CSMD3: variants seen among roughly 807,000 people sequenced by gnomAD.
CSMD3 encodes CUB and Sushi multiple domains 3.
CSMD3 carries 177 observed loss-of-function variants against 435.2 expected under a neutral mutation model. That is an observed-to-expected ratio of 0.41 (90% CI 0.36 to 0.46). The LOEUF (loss-of-function observed/expected upper bound fraction) is 0.46. Ranked by LOEUF, CSMD3 falls within the 20% of genes least tolerant of loss-of-function variation. CSMD3 has a pLI of 0.34. For missense variants in CSMD3, 4,265 were observed against 4,504.6 expected (o/e 0.95, Z 1.52); for synonymous variants, 1,656 against 1,520.5 (o/e 1.09, Z -2.07).
At chr8:112,272,570 A>C (rs1817625353) in intron 59 of CSMD3, among the ~76,000 whole-genome samples, 1 of 152,142 alleles carries the variant, frequency 6.6e-6, no homozygotes, top group Admixed American at 6.5e-5. Context: ...TGAAATATAG[A>C]TGAAATTATT....
chr8:112,753,838 T>A (rs564436425), intron 13 of CSMD3, among the ~76,000 whole-genome samples: 241 of 152,310 alleles, frequency 1.6e-3, no homozygotes, highest in Non-Finnish European at 2.8e-3. Flanking sequence ...TAACTTCCTA[T>A]CCCAACTTTG....
Position 112,406,555 on chromosome 8 carries a change from G to C in CSMD3, c.5778C>G (p.Ala1926=), listed in dbSNP as rs1831877547. The C allele has an allele frequency of 6.2e-7, 1 of 1,610,598 alleles. No homozygotes were observed. Among genetic ancestry groups the C allele is most frequent in the African/African-American group, 1.3e-5 (1 of 74,724 alleles). ...IRCETVPNSL[A]QWNDSLPTCI... is the part of the protein sequence containing the mutation. ...AAGTAGGTAAGGAATCATTCCACTG[G>C]GCCAAAGAATTGGGCACTGTTTCAC... Residue 1926 remains alanine, a synonymous_variant, in exon 35 of 71, where the codon GCC becomes GCG. Transcript: ENST00000297405.
At position 112,281,177 on chromosome 8, in the gene CSMD3, T is replaced by C; in HGVS notation, c.9505A>G (p.Thr3169Ala). 6.2e-7 allele frequency: 1 copy of C among 1,608,072 alleles called. No homozygotes were observed. Among genetic ancestry groups the C allele is most frequent in the African/African-American group, 1.3e-5 (1 of 74,900 alleles). The change falls in exon 59 of 71, where the codon ACA (threonine) becomes GCA (alanine). Residue 3169 changes from threonine (T) to alanine (A), a missense_variant. By Grantham distance (58) the Thr-to-Ala change is moderately conservative (BLOSUM62 0). Transcript: ENST00000297405. ...TAAATATTGAGAATATACTTACTTG[T>C]ACAGTTAGGTAAAGTTCCAGACCAT... is the stretch of plus-strand genomic sequence containing the variant. ...GTWSGTLPNC[T>A]IISCGDPGIP...
chr8:113,156,768 A>ATAAATAAT (rs1455766901), intron 4 of CSMD3, among the ~76,000 whole-genome samples: 3 of 149,298 alleles, frequency 2.0e-5, no homozygotes, highest in East Asian at 2.0e-4. Flanking sequence ...AAATAAATAA[A>ATAAATAAT]TAAATAAATA....
chr8:113,138,722 G>A (rs2091476263), intron 4 of CSMD3, among the ~76,000 whole-genome samples: 1 of 151,086 alleles, frequency 6.6e-6, no homozygotes, highest in Non-Finnish European at 1.5e-5. Flanking sequence ...AGCTATATTT[G>A]AATTTCAGCT....
Position 112,272,750 on chromosome 8 carries a change from C to G in CSMD3, c.9509-7160G>C, listed in dbSNP as rs118155390. Among the ~76,000 whole-genome samples, 317 of 152,238 alleles carry G rather than the reference C, an allele frequency of 2.1e-3. 1 individual carries two copies. The highest frequency in any genetic ancestry group is 2.2e-3 in the Non-Finnish European group (152 of 68,010). On this transcript the variant is annotated intron_variant, in intron 59 of 70. Coordinates refer to ENST00000297405, the MANE Select transcript of CSMD3 (RefSeq NM_198123.2). ...AATGAATGAGAAGGAATCTGAAGCACTGATTCTAATTTAATTTGATTACCA... is the reference window on the plus strand; with the variant it reads ...AATGAATGAGAAGGAATCTGAAGCAGTGATTCTAATTTAATTTGATTACCA...
chr8:113,315,115 T>A (rs2093899496), intron 1 of CSMD3, among the ~76,000 whole-genome samples: 1 of 152,216 alleles, frequency 6.6e-6, no homozygotes, highest in African/African-American at 2.4e-5. Context: ...ACGGTATCTT[T>A]CTTCAAAGAG....
At chr8:113,222,248 A>G (rs1316530293) in intron 3 of CSMD3, among the ~76,000 whole-genome samples, 1 of 151,186 alleles carries the variant, frequency 6.6e-6, no homozygotes, top group Admixed American at 6.6e-5. Flanking sequence ...AAATTTAACC[A>G]AAAATTTTCA....
Position 113,037,062 on chromosome 8 carries a change from A to C in CSMD3, c.918-17883T>G, listed in dbSNP as rs138205509. ...AGGAATACCCATGCACTATGCAATGAAGTAGAAATTTTTCATGGTATGTGG... is the reference window on the plus strand; with the variant it reads ...AGGAATACCCATGCACTATGCAATGCAGTAGAAATTTTTCATGGTATGTGG... On this transcript the variant is annotated intron_variant, in intron 5 of 70. Transcript: ENST00000297405. Among the ~76,000 whole-genome samples, 1,002 of 152,254 alleles carry C rather than the reference A, an allele frequency of 6.6e-3. 11 individuals carry two copies. Among genetic ancestry groups the C allele is most frequent in the African/African-American group, 0.023 (961 of 41,578 alleles).
chr8:113,005,825 C>T (rs888346550), intron 6 of CSMD3, among the ~76,000 whole-genome samples: 15 of 152,064 alleles, frequency 9.9e-5, no homozygotes, highest in South Asian at 6.2e-4. Flanking sequence ...CTGGTTCATC[C>T]TAGCCTGCAG....
intron 10 of CSMD3, among the ~76,000 whole-genome samples, chr8:112,898,368 A>T (rs1038856446): frequency 6.6e-6 from 1 of 151,262 alleles, no homozygotes; most frequent in Non-Finnish European, 1.5e-5. Context: ...ATCACATAAT[A>T]TGCATTATGG....
intron 3 of CSMD3, among the ~76,000 whole-genome samples, chr8:113,174,737 A>G (rs1031227802): frequency 1.3e-5 from 2 of 151,906 alleles, no homozygotes; most frequent in East Asian, 1.9e-4. Context: ...ATTTGTTCTC[A>G]TATTGTTTTC....
intron 10 of CSMD3, among the ~76,000 whole-genome samples, chr8:112,919,322 G>C (rs1483767705): frequency 1.3e-5 from 2 of 151,694 alleles, no homozygotes; most frequent in South Asian, 2.1e-4. Flanking sequence ...CAAGTCAGTA[G>C]AGAGCTGCTC....
intron 6 of CSMD3, among the ~76,000 whole-genome samples, chr8:112,993,262 G>T (rs952563407): frequency 6.6e-6 from 1 of 151,832 alleles, no homozygotes; most frequent in Non-Finnish European, 1.5e-5. Context: ...GCAGGGAAAG[G>T]CCAGTGTAAT....
chr8:112,928,001 A>C (rs955303102), intron 9 of CSMD3, among the ~76,000 whole-genome samples: 2 of 152,066 alleles, frequency 1.3e-5, no homozygotes. Context: ...GTACAATTTC[A>C]AGTATACTAG....
intron 13 of CSMD3, among the ~76,000 whole-genome samples, chr8:112,758,918 T>C (rs2077768180): frequency 6.6e-6 from 1 of 152,180 alleles, no homozygotes; most frequent in Admixed American, 6.5e-5. Context: ...GAATTTGTGT[T>C]TCCTATTTGT....
chr8:113,008,586 T>C (rs1444439872), intron 6 of CSMD3, among the ~76,000 whole-genome samples: 2 of 151,696 alleles, frequency 1.3e-5, no homozygotes, highest in Non-Finnish European at 2.9e-5. Flanking sequence ...AAACAGGTAG[T>C]GAAAAATACT....
chr8:113,043,407 A>T (rs2087705278), intron 5 of CSMD3, among the ~76,000 whole-genome samples: 1 of 152,186 alleles, frequency 6.6e-6, no homozygotes, highest in Non-Finnish European at 1.5e-5. Context: ...GACTTAAGTC[A>T]GCATCATTTT....
chr8:113,402,203 A>T (rs1423712671), intron 1 of CSMD3, among the ~76,000 whole-genome samples: 1 of 146,380 alleles, frequency 6.8e-6, no homozygotes, highest in African/African-American at 2.5e-5. Flanking sequence ...TTTATCTTAA[A>T]TTTTTTCATT....
Sources: gnomAD v4.1 joint callset for allele counts (sites outside exome capture counted in the v4.1 genomes callset) on GRCh38, gnomAD v4.1.1 for gene constraint, MANE v1.5 for transcripts, NCBI Gene and HGNC (gene_info 2026-07-23, HGNC 2026-07-21) for gene names.